The following ERC2 variants were observed in gnomAD, a reference collection of about 807,000 sequenced individuals.
The protein encoded by ERC2 is ERC protein 2.
A neutral mutation model predicts 114.8 loss-of-function variants in ERC2; 42 were observed. The observed-to-expected ratio is 0.37, with a 90% CI of 0.29 to 0.47. ERC2 has a LOEUF of 0.47. Among genes scored for constraint, ERC2 ranks in the 20% least tolerant of loss-of-function variants. ERC2 has a pLI of 0.99. For missense variants in ERC2, 939 were observed against 1,150.7 expected, an observed-to-expected ratio of 0.82 and a Z score of 2.66; for synonymous variants, 454 against 425.5, an observed-to-expected ratio of 1.07 and a Z score of -0.82.
At chr3:56,080,672 C>T (rs1294409406) in intron 7 of ERC2, 145 bp downstream of exon 7, 3 of 713,144 alleles carry the variant, frequency 4.2e-6, no homozygotes, top group Non-Finnish European at 6.7e-6. Flanking sequence ...ATGCAACTAC[C>T]AGTAAGTGAA....
intron 14 of ERC2, among the ~76,000 whole-genome samples, chr3:55,829,268 T>C (rs2060468276): frequency 6.6e-6 from 1 of 152,226 alleles, no homozygotes; most frequent in South Asian, 2.1e-4. Context: ...AAGCAACTAT[T>C]ATAACTATGC....
At chr3:55,794,874 T>C (rs931420763) in intron 14 of ERC2, among the ~76,000 whole-genome samples, 5 of 152,234 alleles carry the variant, frequency 3.3e-5, no homozygotes, top group Non-Finnish European at 7.3e-5. Flanking sequence ...ACAGAATCAC[T>C]GTACAGGATT....
chr3:55,956,277 T>C (rs1425366256), intron 12 of ERC2, among the ~76,000 whole-genome samples: 1 of 152,202 alleles, frequency 6.6e-6, no homozygotes, highest in Non-Finnish European at 1.5e-5. Context: ...GTTATCCTAA[T>C]GGAAGCATTG....
intron 3 of ERC2, among the ~76,000 whole-genome samples, chr3:56,208,287 G>A (rs772363699): frequency 6.8e-6 from 1 of 148,124 alleles, no homozygotes. Context: ...TCATTCCTTC[G>A]ACTAAAAAGA....
chr3:55,677,487 C>A (rs964244305), intron 17 of ERC2, among the ~76,000 whole-genome samples: 2 of 152,116 alleles, frequency 1.3e-5, no homozygotes, highest in Admixed American at 6.5e-5. Context: ...CCAGAAGTAA[C>A]AATAATAGTG....
At chr3:55,713,129 T>TCA (rs1491444178) in intron 15 of ERC2, among the ~76,000 whole-genome samples, 161 of 74,726 alleles carry the variant, frequency 2.2e-3, no homozygotes, top group African/African-American at 6.2e-3. Flanking sequence ...TCTCTCTCTG[T>TCA]CTCACACACA....
At chr3:56,217,227 A>T (rs1252759577) in intron 3 of ERC2, among the ~76,000 whole-genome samples, 1 of 152,210 alleles carries the variant, frequency 6.6e-6, no homozygotes, top group African/African-American at 2.4e-5. Flanking sequence ...ACATGATTGT[A>T]TATCTAGAAA....
chr3:56,250,560 A>G (rs1285585827), intron 3 of ERC2, among the ~76,000 whole-genome samples: 1 of 152,208 alleles, frequency 6.6e-6, no homozygotes, highest in African/African-American at 2.4e-5. Context: ...GGAACAGAAG[A>G]GCAAGCTGAG....
intron 6 of ERC2, among the ~76,000 whole-genome samples, chr3:56,137,762 C>A (rs902015478): frequency 6.6e-6 from 1 of 152,204 alleles, no homozygotes; most frequent in Non-Finnish European, 1.5e-5. Context: ...GCTGTGCTGT[C>A]TAATACAGCA....
chr3:56,204,468 A>C (rs552039075), intron 3 of ERC2, among the ~76,000 whole-genome samples: 1 of 64,886 alleles, frequency 1.5e-5, no homozygotes, highest in African/African-American at 4.5e-5. Context: ...CAAACATTTA[A>C]TTAGATGCTT....
At chr3:55,640,312 A>G (rs1024263754) in intron 17 of ERC2, among the ~76,000 whole-genome samples, 6 of 152,144 alleles carry the variant, frequency 3.9e-5, no homozygotes, top group African/African-American at 1.2e-4. Flanking sequence ...ATTCTGCCCA[A>G]GTTTTTGCCT....
chr3:55,806,728 G>A (rs2059508036), intron 14 of ERC2, among the ~76,000 whole-genome samples: 1 of 152,144 alleles, frequency 6.6e-6, no homozygotes, highest in African/African-American at 2.4e-5. Context: ...TAGTGGCAAG[G>A]CTGAGAAAGC....
rs75073461 is a variant in ERC2 at position 55,863,315 on chromosome 3, G to T, written c.2564+25074C>A. ...TCTTGAATATCTCTGCTTGCTCGACGCCAGGGCCTCAATATTTTGATAAAG... is the reference window on the plus strand; with the variant it reads ...TCTTGAATATCTCTGCTTGCTCGACTCCAGGGCCTCAATATTTTGATAAAG... On this transcript the variant is annotated intron_variant, in intron 14 of 17. Transcript: ENST00000288221. Among the ~76,000 whole-genome samples, 244 of 152,066 alleles carry T rather than the reference G, an allele frequency of 1.6e-3. 1 individual carries two copies. The highest frequency in any genetic ancestry group is 1.8e-3 in the Non-Finnish European group (122 of 68,000).
At chr3:56,278,377 A>C (rs977586825) in intron 3 of ERC2, among the ~76,000 whole-genome samples, 1 of 152,224 alleles carries the variant, frequency 6.6e-6, no homozygotes, top group Non-Finnish European at 1.5e-5. Context: ...TAAATAATTG[A>C]TCAATACTCT....
At chr3:56,414,779 T>G (rs558620764) in intron 2 of ERC2, among the ~76,000 whole-genome samples, 12 of 151,744 alleles carry the variant, frequency 7.9e-5, no homozygotes, top group African/African-American at 2.9e-4. Flanking sequence ...TTCCACTCTC[T>G]CTCTCTCCCT....
chr3:55,579,807 T>C (rs192718033), intron 17 of ERC2, among the ~76,000 whole-genome samples: 1 of 152,324 alleles, frequency 6.6e-6, no homozygotes, highest in East Asian at 1.9e-4. Flanking sequence ...TTTAACCTCC[T>C]TTGCGTTGAA....
intron 1 of ERC2, among the ~76,000 whole-genome samples, chr3:56,456,417 TA>T (rs2063064514): frequency 6.6e-6 from 1 of 152,356 alleles, no homozygotes; most frequent in East Asian, 1.9e-4. Context: ...ATGTACTTTT[TA>T]AAAAGCTGAA....
chr3:55,882,323 C>A (rs2063152661), intron 14 of ERC2, among the ~76,000 whole-genome samples: 1 of 152,194 alleles, frequency 6.6e-6, no homozygotes. Flanking sequence ...ATGCTGGCAC[C>A]AAGCTCCTTG....
intron 14 of ERC2, among the ~76,000 whole-genome samples, chr3:55,739,213 T>C (rs2065828824): frequency 6.6e-6 from 1 of 152,228 alleles, no homozygotes; most frequent in Admixed American, 6.5e-5. Context: ...AGTGCCGCAA[T>C]AAACATACAT....
Sources: allele counts gnomAD v4.1 joint callset (sites outside exome capture counted in the v4.1 genomes callset), GRCh38; gene constraint gnomAD v4.1.1; transcripts MANE v1.5; gene names NCBI Gene and HGNC (gene_info 2026-07-23, HGNC 2026-07-21).